The following PABPC4L variants were observed in gnomAD, a reference collection of about 807,000 sequenced individuals.
The protein encoded by PABPC4L is poly(A) binding protein cytoplasmic 4 like.
For missense variants in PABPC4L, 452 were observed against 451.4 expected, an observed-to-expected ratio of 1.00 and a Z score of -0.01; for synonymous variants, 169 against 164.1, an observed-to-expected ratio of 1.03 and a Z score of -0.23.
At chr4:133,989,059 C>T in the PABPC4L span, among the ~76,000 whole-genome samples, 1 of 152,068 alleles carries the variant, frequency 6.6e-6, no homozygotes, top group Non-Finnish European at 1.5e-5. Context: ...GGCACCATGT[C>T]CTGAAGATGC....
At chr4:133,954,968 G>T in the PABPC4L span, among the ~76,000 whole-genome samples, 5 of 152,042 alleles carry the variant, frequency 3.3e-5, no homozygotes, top group Non-Finnish European at 7.4e-5. Flanking sequence ...AGTTTCCCAT[G>T]CTCACCAGAT....
the PABPC4L span, among the ~76,000 whole-genome samples, chr4:133,952,113 A>G: frequency 6.6e-6 from 1 of 152,092 alleles, no homozygotes; most frequent in Non-Finnish European, 1.5e-5. Context: ...CTTTCCCCCG[A>G]AATTAGAAGA....
In PABPC4L at chr4:134,200,955, G is replaced by A; in HGVS notation, c.65C>T (p.Thr22Ile). ...GAACTTCCTGAACAGCAGGTCCTCG[G>A]TGACATCTGCATGTAAGTCACCCAC... ...LYVGDLHADV[T>I]EDLLFRKFST... The change falls in exon 2 of 2, where the codon ACC (threonine) becomes ATC (isoleucine). Residue 22 changes from threonine (T) to isoleucine (I), a missense_variant. Transcript: ENST00000421491. The A allele has an allele frequency of 1.9e-6, 3 of 1,555,850 alleles. No homozygotes were observed. Among genetic ancestry groups the A allele is most frequent in the South Asian group, 2.4e-5 (2 of 84,220 alleles).
chr4:134,176,056 A>G, the PABPC4L span, among the ~76,000 whole-genome samples: 1 of 152,164 alleles, frequency 6.6e-6, no homozygotes, highest in Non-Finnish European at 1.5e-5. Context: ...ATGGTGACCT[A>G]GAATCTTCAG....
At chr4:133,993,339 T>C in the PABPC4L span, among the ~76,000 whole-genome samples, 1 of 152,138 alleles carries the variant, frequency 6.6e-6, no homozygotes, top group Non-Finnish European at 1.5e-5. Flanking sequence ...ATGTTCCACA[T>C]GTGACAAAAT....
the PABPC4L span, among the ~76,000 whole-genome samples, chr4:134,164,276 A>AG: frequency 6.8e-6 from 1 of 147,784 alleles, no homozygotes; most frequent in Non-Finnish European, 1.5e-5. Flanking sequence ...AAAAAAAAAA[A>AG]AAAAAAAAAA....
At chr4:134,080,777 T>C in the PABPC4L span, among the ~76,000 whole-genome samples, 1 of 152,130 alleles carries the variant, frequency 6.6e-6, no homozygotes, top group Non-Finnish European at 1.5e-5. Flanking sequence ...TTTGTAGAAG[T>C]CAAAAAAGGT....
chr4:134,016,737 G>A, the PABPC4L span, among the ~76,000 whole-genome samples: 28,269 of 151,988 alleles, frequency 0.19, 3,270 homozygotes, highest in Middle Eastern at 0.26. Flanking sequence ...CTGCTAGCCC[G>A]TCTCTTAGAA....
chr4:134,031,847 T>C, the PABPC4L span, among the ~76,000 whole-genome samples: 1 of 151,920 alleles, frequency 6.6e-6, no homozygotes, highest in African/African-American at 2.4e-5. Flanking sequence ...GAATAAATGC[T>C]TCTAAGAAAT....
chr4:134,183,260 G>A, the PABPC4L span, among the ~76,000 whole-genome samples: 1 of 151,888 alleles, frequency 6.6e-6, no homozygotes, highest in Non-Finnish European at 1.5e-5. Flanking sequence ...TATACACAAT[G>A]GAATACTATG....
chr4:134,176,284 A>T, the PABPC4L span, among the ~76,000 whole-genome samples: 1 of 152,010 alleles, frequency 6.6e-6, no homozygotes, highest in African/African-American at 2.4e-5. Flanking sequence ...ATTATTATTT[A>T]TATCATTTAT....
chr4:134,006,730 T>A, the PABPC4L span, among the ~76,000 whole-genome samples: 1 of 151,888 alleles, frequency 6.6e-6, no homozygotes, highest in Non-Finnish European at 1.5e-5. Context: ...ACTTCTACAT[T>A]ACATTCTCCA....
chr4:134,043,472 T>C, the PABPC4L span, among the ~76,000 whole-genome samples: 2 of 152,128 alleles, frequency 1.3e-5, no homozygotes, highest in Non-Finnish European at 2.9e-5. Context: ...TACTATTATG[T>C]TGGTGCAAAA....
At chr4:133,964,147 T>A in the PABPC4L span, among the ~76,000 whole-genome samples, 1 of 152,036 alleles carries the variant, frequency 6.6e-6, no homozygotes, top group Non-Finnish European at 1.5e-5. Context: ...ATATTACAAC[T>A]GACACCACAG....
the PABPC4L span, among the ~76,000 whole-genome samples, chr4:134,019,080 C>G: frequency 6.6e-6 from 1 of 152,048 alleles, no homozygotes; most frequent in Non-Finnish European, 1.5e-5. Flanking sequence ...ATGCAAGTAT[C>G]CTTCCATTGA....
chr4:134,029,479 A>T, the PABPC4L span, among the ~76,000 whole-genome samples: 2 of 152,142 alleles, frequency 1.3e-5, no homozygotes, highest in African/African-American at 4.8e-5. Context: ...GGATATATGA[A>T]AATTATACAA....
At chr4:134,108,337 G>T in the PABPC4L span, among the ~76,000 whole-genome samples, 1 of 151,766 alleles carries the variant, frequency 6.6e-6, no homozygotes, top group Non-Finnish European at 1.5e-5. Context: ...CATGTTTTAA[G>T]AAAATTGAAA....
chr4:134,049,958 T>C, the PABPC4L span, among the ~76,000 whole-genome samples: 1 of 152,190 alleles, frequency 6.6e-6, no homozygotes, highest in Non-Finnish European at 1.5e-5. Context: ...ATGCAGTTCA[T>C]AAGATGTCAG....
chr4:134,039,404 T>C, the PABPC4L span, among the ~76,000 whole-genome samples: 2 of 152,152 alleles, frequency 1.3e-5, no homozygotes, highest in East Asian at 3.8e-4. Context: ...CATTGATCTG[T>C]CTAATATTGA....
Sources: allele counts gnomAD v4.1 joint callset (sites outside exome capture counted in the v4.1 genomes callset), GRCh38; gene constraint gnomAD v4.1.1; transcripts MANE v1.5; gene names NCBI Gene and HGNC (gene_info 2026-07-23, HGNC 2026-07-21).